The following DNAH14 variants were observed in gnomAD, a reference collection of about 807,000 sequenced individuals.
The protein encoded by DNAH14 is axonemal beta dynein heavy chain 14.
Under a neutral mutation model 520.9 loss-of-function variants are expected in DNAH14, and 478 were observed. That is an observed-to-expected ratio of 0.92 (90% CI 0.85 to 0.99). DNAH14 has a LOEUF of 0.99. Among genes scored for constraint, DNAH14 ranks in the 50% least tolerant of loss-of-function variants. DNAH14 has a pLI of 0.00. For missense variants in DNAH14, 4,831 were observed against 5,234.5 expected (o/e 0.92, Z 2.38); for synonymous variants, 1,581 against 1,757.2 (o/e 0.90, Z 2.51).
At position 225,061,325 on chromosome 1, in the gene DNAH14, A is replaced by G. The variant is rs888225760; in HGVS notation, c.2424+9530A>G. On this transcript the variant is annotated intron_variant, in intron 17 of 85. Transcript: ENST00000682510. ...GGACCCTCTGAGCCAGGCGCTGGAT[A>G]CAATCTCCTGGTGTGCCATTTGCTA... Among the ~76,000 whole-genome samples the G allele has an allele frequency of 2.6e-5, 4 of 152,344 alleles. No homozygotes were observed. In the East Asian group the frequency reaches 7.7e-4, roughly 29 times the overall value.
At chr1:225,184,783 GAA>G in intron 36 of DNAH14, among the ~76,000 whole-genome samples, 1 of 151,298 alleles carries the variant, frequency 6.6e-6, no homozygotes, top group Middle Eastern at 3.4e-3. Flanking sequence ...AAGAAAGAAA[GAA>G]AAATAAAGAA....
intron 1 of DNAH14, among the ~76,000 whole-genome samples, chr1:224,942,940 A>T (rs893072176): frequency 6.6e-6 from 1 of 152,198 alleles, no homozygotes; most frequent in African/African-American, 2.4e-5. Flanking sequence ...ATCGATGTTC[A>T]TCGGGGATAT....
intron 55 of DNAH14, among the ~76,000 whole-genome samples, chr1:225,290,647 GTATATA>G (rs56045354): frequency 0.078 from 4,486 of 57,152 alleles, 175 homozygotes; most frequent in Middle Eastern, 0.11. Flanking sequence ...GTGTGTGTGT[GTATATA>G]TATATATATA....
chr1:224,942,798 G>A (rs4417028), intron 1 of DNAH14, among the ~76,000 whole-genome samples: 8,379 of 152,200 alleles, frequency 0.055, 468 homozygotes, highest in East Asian at 0.23. Context: ...TTATATGCTG[G>A]ATTACATTTA....
At chr1:225,353,207 A>G (rs1196837357) in intron 72 of DNAH14, among the ~76,000 whole-genome samples, 1 of 152,094 alleles carries the variant, frequency 6.6e-6, no homozygotes, top group Non-Finnish European at 1.5e-5. Context: ...TGATAAGTGT[A>G]TCTGGGAGAG....
intron 3 of DNAH14, among the ~76,000 whole-genome samples, chr1:224,957,976 T>C (rs2060617520): frequency 6.6e-6 from 1 of 152,014 alleles, no homozygotes; most frequent in Non-Finnish European, 1.5e-5. Context: ...AGTGTAGGCA[T>C]GAAGAGACGT....
At chr1:225,046,428 T>G (rs562999454) in intron 15 of DNAH14, among the ~76,000 whole-genome samples, 1 of 152,264 alleles carries the variant, frequency 6.6e-6, no homozygotes, top group Admixed American at 6.5e-5. Context: ...TCTATTATGA[T>G]TTCATTTTTA....
At chr1:225,098,918 G>T (rs2075216580) in intron 22 of DNAH14, among the ~76,000 whole-genome samples, 1 of 152,126 alleles carries the variant, frequency 6.6e-6, no homozygotes, top group African/African-American at 2.4e-5. Flanking sequence ...GAAAAAGTGG[G>T]TCTATAGTGG....
chr1:225,105,425 A>G (rs2075953761), intron 23 of DNAH14, among the ~76,000 whole-genome samples: 2 of 152,246 alleles, frequency 1.3e-5, no homozygotes, highest in East Asian at 1.9e-4. Context: ...AGCTGAGTTC[A>G]ATTCCTGGAT....
intron 41 of DNAH14, among the ~76,000 whole-genome samples, chr1:225,211,961 G>C (rs2088497647): frequency 1.3e-5 from 2 of 151,432 alleles, no homozygotes; most frequent in East Asian, 1.9e-4. Flanking sequence ...CAACGTGCAG[G>C]TTTGTTACGT....
At chr1:225,350,090 A>G (rs1354365289) in intron 71 of DNAH14, among the ~76,000 whole-genome samples, 1 of 152,166 alleles carries the variant, frequency 6.6e-6, no homozygotes, top group African/African-American at 2.4e-5. Context: ...TACCAAGTGT[A>G]TTTGCCAAAC....
At chr1:225,265,149 A>G (rs1558199682) in intron 47 of DNAH14, 33 bp from the exon 48 acceptor site, 1 of 1,383,870 alleles carries the variant, frequency 7.2e-7, no homozygotes, top group East Asian at 2.9e-5. Context: ...AGTGTCCTAA[A>G]TTTGTTTTTT....
intron 34 of DNAH14, among the ~76,000 whole-genome samples, chr1:225,158,481 G>A (rs532178403): frequency 7.2e-4 from 110 of 152,236 alleles, no homozygotes; most frequent in African/African-American, 2.6e-3. Context: ...TAATAACTGG[G>A]GCTGTCCATA....
intron 21 of DNAH14, among the ~76,000 whole-genome samples, chr1:225,091,809 A>G (rs559401325): frequency 6.6e-6 from 1 of 152,024 alleles, no homozygotes; most frequent in South Asian, 2.1e-4. Flanking sequence ...ACCCAATAAC[A>G]TACTGTCTTC....
intron 76 of DNAH14, 57 bp downstream of exon 76, chr1:225,364,951 GTC>G: frequency 9.2e-6 from 11 of 1,193,740 alleles, no homozygotes; most frequent in African/African-American, 3.1e-5. Context: ...TTGAATGCAA[GTC>G]ATCTTACATT....
At chr1:225,337,171 G>A (rs2095074998) in intron 66 of DNAH14, 95 bp from the exon 67 acceptor site, 2 of 999,124 alleles carry the variant, frequency 2.0e-6, no homozygotes, top group Non-Finnish European at 2.9e-6. Flanking sequence ...TTTTTCTAAA[G>A]GCAGTGATTC....
intron 35 of DNAH14, among the ~76,000 whole-genome samples, chr1:225,164,653 CATGCCTCTTTTAGCTG>C (rs1477662679): frequency 6.6e-6 from 1 of 152,106 alleles, no homozygotes; most frequent in African/African-American, 2.4e-5. Flanking sequence ...GACTGACATT[CATGCCTCTTTTAGCTG>C]ATGCCTCTTT....
At chr1:225,331,689 C>A in intron 65 of DNAH14, 112 bp downstream of exon 65, 2 of 1,386,974 alleles carry the variant, frequency 1.4e-6, no homozygotes, top group Non-Finnish European at 2.0e-6. Flanking sequence ...AACTATCTAA[C>A]TATCCAGTTT....
At chr1:224,946,660 T>G (rs1178239728) in intron 1 of DNAH14, among the ~76,000 whole-genome samples, 1 of 152,198 alleles carries the variant, frequency 6.6e-6, no homozygotes, top group Non-Finnish European at 1.5e-5. Flanking sequence ...GTTTTGGAAT[T>G]TCATATTATA....
Sources: gnomAD v4.1 joint callset for allele counts (sites outside exome capture counted in the v4.1 genomes callset) on GRCh38, gnomAD v4.1.1 for gene constraint, MANE v1.5 for transcripts, NCBI Gene and HGNC (gene_info 2026-07-23, HGNC 2026-07-21) for gene names.